ABCA3: variants seen among roughly 807,000 people sequenced by gnomAD.
ABCA3 encodes the protein phospholipid-transporting ATPase ABCA3.
A neutral mutation model predicts 172.8 loss-of-function variants in ABCA3; 88 were observed. The ratio of observed to expected loss-of-function variants is 0.51; its 90% CI spans 0.43 to 0.61. The LOEUF (loss-of-function observed/expected upper bound fraction) is 0.61. Ranked by LOEUF, ABCA3 falls within the 20% of genes least tolerant of loss-of-function variation. ABCA3 has a pLI of 0.00. For synonymous variants in ABCA3, 1,066 were observed against 983.8 expected (o/e 1.08, Z -1.56); for missense variants, 2,164 against 2,301.0 (o/e 0.94, Z 1.22).
At chr16:2,316,490 CAAAAAAAAAAAAAAAAAAAA>C (rs71148128) in intron 10 of ABCA3, among the ~76,000 whole-genome samples, 11,991 of 28,888 alleles carry the variant, frequency 0.42, 1,255 homozygotes, top group Admixed American at 0.57. Context: ...ACTAAAAATG[CAAAAAAAAAAAAAAAAAAAA>C]AAAAAAAAAA....
At chr16:2,292,745 C>A (rs1039338959) in intron 18 of ABCA3, among the ~76,000 whole-genome samples, 1 of 152,094 alleles carries the variant, frequency 6.6e-6, no homozygotes, top group Admixed American at 6.6e-5. Context: ...CACGGTGAAA[C>A]TCTGTCTCTA....
At chr16:2,314,485 G>A (rs1472530908) in intron 10 of ABCA3, among the ~76,000 whole-genome samples, 2 of 152,060 alleles carry the variant, frequency 1.3e-5, no homozygotes, top group Admixed American at 6.6e-5. Context: ...TGTTTCACAG[G>A]GACTGTTTCA....
chr16:2,315,948 G>A (rs2093714744), intron 10 of ABCA3, among the ~76,000 whole-genome samples: 1 of 144,670 alleles, frequency 6.9e-6, no homozygotes, highest in Non-Finnish European at 1.5e-5. Flanking sequence ...CTCCTAAAGT[G>A]CTAGGATTAC....
rs567441898 is a variant in ABCA3 at position 2,285,918 on chromosome 16, G to A, written c.3279-272C>T. 3.3e-5 allele frequency among the ~76,000 whole-genome samples: 5 copies of A among 152,304 alleles called. No homozygotes were observed. The highest frequency in any genetic ancestry group is 1.9e-4 in the East Asian group (1 of 5,178). On this transcript the variant is annotated intron_variant, in intron 22 of 32. Transcript: ENST00000301732. This position sits in a 1 kb window ranked among gnomAD's most constrained non-coding sequence, Gnocchi z 4.7. Reference sequence around the variant, plus strand: ...CCCAGCCCTCAGCCCCACGGCTGCCGGCGACCTTGCCCAGGTGTGGAGGTC... The same window carrying A: ...CCCAGCCCTCAGCCCCACGGCTGCCAGCGACCTTGCCCAGGTGTGGAGGTC...
chr16:2,285,776 G>T lies in ABCA3; in HGVS notation c.3279-130C>A. On this transcript the variant is annotated intron_variant, in intron 22 of 32. Transcript: ENST00000301732. The surrounding 1 kb of genome is among the most constrained non-coding windows in gnomAD (Gnocchi z 4.7). Reference sequence around the variant, plus strand: ...AACCACTAAAGGGGCTTATGGGAGAGCACAAGCACCATGGTTCCATACCGG... The same window carrying T: ...AACCACTAAAGGGGCTTATGGGAGATCACAAGCACCATGGTTCCATACCGG... The T allele has an allele frequency of 1.2e-6, 1 of 845,116 alleles. No individual in the cohort carries two copies. 52.4% of individuals were successfully genotyped at this position (845,116 alleles called of 1,614,324 possible).
rs2093659277 is a variant in ABCA3, at chr16:2,284,213, C to G, written c.3862+66G>C. 1 of 1,550,448 alleles carries G rather than the reference C, an allele frequency of 6.4e-7. No individual in the cohort carries two copies. The highest frequency in any genetic ancestry group is 8.7e-7 in the Non-Finnish European group (1 of 1,144,020). ...CAGAGGAGCCCCTGCCCTAGGAGGC[C>G]CCTCTGCAGTGACCACGTCCTGAGG... On this transcript the variant is annotated intron_variant, in intron 25 of 32. Coordinates refer to ENST00000301732, the MANE Select transcript of ABCA3 (RefSeq NM_001089.3). This position sits in a 1 kb window ranked among gnomAD's most constrained non-coding sequence, Gnocchi z 5.9.
In ABCA3 at chr16:2,299,272, A is replaced by G. The variant is rs1490711157; in HGVS notation, c.1741+131T>C. ...TTGTGCCCCTGGGCCTGCAGGGCTG[A>G]GGTGCATCTCCTGCCGCTGTGGTTG... is the stretch of plus-strand genomic sequence containing the variant. On this transcript the variant is annotated intron_variant, in intron 14 of 32. Transcript: ENST00000301732. 2.3e-6 allele frequency: 3 copies of G among 1,307,450 alleles called. No individual in the cohort carries two copies. In the East Asian group the frequency reaches 7.3e-5, roughly 32 times the overall value. The allele number at this position is 1,307,450 out of a possible 1,614,324, so 81.0% of individuals were successfully genotyped here. A position where few individuals can be genotyped will look rare whatever the true frequency, so the allele number is the denominator to read the frequency against.
intron 1 of ABCA3, among the ~76,000 whole-genome samples, 157 bp downstream of exon 1, chr16:2,340,416 A>C (rs900531157): frequency 1.1e-4 from 17 of 149,994 alleles, no homozygotes; most frequent in African/African-American, 4.2e-4. Flanking sequence ...GCGCGGCCGG[A>C]GGGGATGCGG....
chr16:2,331,356 G>A (rs919023941), intron 1 of ABCA3, among the ~76,000 whole-genome samples: 2 of 152,018 alleles, frequency 1.3e-5, no homozygotes, highest in Non-Finnish European at 2.9e-5. Context: ...ATGCCACCAC[G>A]CCCGGCTAAT....
rs1461407869 is a variant in ABCA3, at chr16:2,304,153, G to A, written c.1286-3C>T. On this transcript the variant is annotated splice_region_variant and splice_polypyrimidine_tract_variant and intron_variant, in intron 11 of 32. Coordinates refer to ENST00000301732, the MANE Select transcript of ABCA3 (RefSeq NM_001089.3). ...GTCTCGCCACTGGATGCCCATGCCT[G>A]GAAGACACATCAGGAAAGTGGCCCG... 2 of 1,614,096 alleles carry A rather than the reference G, an allele frequency of 1.2e-6. No homozygotes were observed. The highest frequency in any genetic ancestry group is 1.7e-6 in the Non-Finnish European group (2 of 1,180,020).
rs142331434 is a variant in ABCA3 at position 2,309,106 on chromosome 16, C to T, written c.1112-483G>A. ...GACTACAGGTGCCCGCCACCACGCC[C>T]GGCTAATTTTTTGTATTTTTTAGTA... On this transcript the variant is annotated intron_variant, in intron 10 of 32. Coordinates refer to ENST00000301732, the MANE Select transcript of ABCA3 (RefSeq NM_001089.3). Among the ~76,000 whole-genome samples the T allele has an allele frequency of 5.3e-3, 811 of 152,234 alleles. 8 individuals are homozygous for T. The highest frequency in any genetic ancestry group is 0.018 in the African/African-American group (745 of 41,524).
chr16:2,314,255 T>C (rs1322690249), intron 10 of ABCA3, among the ~76,000 whole-genome samples: 1 of 137,112 alleles, frequency 7.3e-6, no homozygotes, highest in Non-Finnish European at 1.6e-5. Flanking sequence ...AAACAAAATG[T>C]GGCCCCATCT....
rs181871283 is a variant in ABCA3 at position 2,281,866 on chromosome 16, G to A, written c.4036-357C>T. Among the ~76,000 whole-genome samples, 94 of 151,286 alleles carry A rather than the reference G, an allele frequency of 6.2e-4. No individual in the cohort carries two copies. The highest frequency in any genetic ancestry group is 1.9e-3 in the African/African-American group (77 of 41,186). ...GTTGTCCAGGCTGGAGTGCAGTGGC[G>A]CAATCTCAGCTCACTGCAAACTCTG... On this transcript the variant is annotated intron_variant, in intron 26 of 32. Transcript: ENST00000301732. This position sits in a 1 kb window ranked among gnomAD's most constrained non-coding sequence, Gnocchi z 4.7.
At chr16:2,293,499 G>C (rs1373234945) in intron 18 of ABCA3, among the ~76,000 whole-genome samples, 3 of 148,336 alleles carry the variant, frequency 2.0e-5, no homozygotes, top group Non-Finnish European at 4.4e-5. Context: ...AGCCTCCCAA[G>C]TGTCTGGGGC....
At position 2,324,519 on chromosome 16, in the gene ABCA3, G is replaced by C. The variant is rs749005692; in HGVS notation, c.332C>G (p.Pro111Arg). Residue 111 changes from proline to arginine, a missense_variant, in exon 6 of 33, where the codon CCC (proline) becomes CGC (arginine). Physicochemically the swap from Pro to Arg is moderately radical, Grantham distance 103 (BLOSUM62 -2). This residue lies in a region of ABCA3 where 1,343 missense variants were observed against 1,369.6 expected (regional missense o/e 0.98). Coordinates refer to ENST00000301732, the MANE Select transcript of ABCA3 (RefSeq NM_001089.3). ...GTAGTCCTCAAAGTCCTTCTCGGAG[G>C]GAAAGCCGCGCACTGCAAAGAGAGA... ...LVINMRVRGF[P>R]SEKDFEDYIR... The C allele has an allele frequency of 3.7e-6, 6 of 1,609,902 alleles. No individual in the cohort carries two copies. The Admixed American group carries it at 1.0e-4, about 27-fold the overall frequency.
intron 10 of ABCA3, among the ~76,000 whole-genome samples, chr16:2,310,971 CTTTTCTTTTT>C (rs564098080): frequency 4.3e-4 from 66 of 151,890 alleles, no homozygotes; most frequent in Admixed American, 1.1e-3. Context: ...TCTTTCTTTT[CTTTTCTTTTT>C]TTTTCTTTTT....
rs71148128 is a variant in ABCA3 at position 2,316,490 on chromosome 16, C to CAAAA, written c.1111+789_1111+792dup. On this transcript the variant is annotated intron_variant, in intron 10 of 32. Transcript: ENST00000301732. ...CAAAACCCCGTCTCTACTAAAAATG[C>CAAAA]AAAAAAAAAAAAAAAAAAAAAAAAA... Among the ~76,000 whole-genome samples the CAAAA allele has an allele frequency of 5.5e-4, 16 of 28,872 alleles. 6 individuals are homozygous for CAAAA. The highest frequency in any genetic ancestry group is 1.3e-3 in the African/African-American group (9 of 6,672). 18.9% of individuals were successfully genotyped at this position (28,872 alleles called of 152,430 possible).
chr16:2,298,606 A>T, intron 14 of ABCA3, 66 bp from the exon 15 acceptor site: 2 of 1,574,016 alleles, frequency 1.3e-6, no homozygotes, highest in South Asian at 2.2e-5. Flanking sequence ...CGCGGTAATG[A>T]CCCCCCACCC....
rs1374996265 is a variant in ABCA3 at position 2,287,093 on chromosome 16, A to G, written c.3005-126T>C. 3 of 1,068,292 alleles carry G rather than the reference A, an allele frequency of 2.8e-6. No homozygotes were observed. The East Asian group carries it at 7.8e-5, about 28-fold the overall frequency. The allele number at this position is 1,068,292 out of a possible 1,614,324, so 66.2% of individuals were successfully genotyped here. ...CAGCATCCTCTGAGCTGCCCGCCCC[A>G]TCACCCTTCTCCTAAGGAGAGTATA... On this transcript the variant is annotated intron_variant, in intron 21 of 32. Coordinates refer to ENST00000301732, the MANE Select transcript of ABCA3 (RefSeq NM_001089.3). This position sits in a 1 kb window ranked among gnomAD's most constrained non-coding sequence, Gnocchi z 4.1.
Sources: allele counts gnomAD v4.1 joint callset (sites outside exome capture counted in the v4.1 genomes callset), GRCh38; gene constraint gnomAD v4.1.1; regional missense constraint gnomAD v4.1.1; non-coding constraint Gnocchi (gnomAD v3.1); transcripts MANE v1.5; gene names NCBI Gene and HGNC (gene_info 2026-07-23, HGNC 2026-07-21).